The following ERBB4 variants were observed in gnomAD, a reference collection of about 807,000 sequenced individuals.
ERBB4 encodes erb-b2 receptor tyrosine kinase 4.
ERBB4 carries 42 observed loss-of-function variants against 158.0 expected under a neutral mutation model. That is an observed-to-expected ratio of 0.27 (90% CI 0.21 to 0.34). The LOEUF is 0.34. ERBB4 is among the 10% of genes least tolerant of loss of function. The pLI, the probability that ERBB4 is intolerant of heterozygous loss-of-function variation, is 1.00. For missense variants in ERBB4, 1,333 were observed against 1,624.1 expected, an observed-to-expected ratio of 0.82 and a Z score of 3.08; for synonymous variants, 583 against 558.7, an observed-to-expected ratio of 1.04 and a Z score of -0.61.
At chr2:211,818,257 A>T (rs116302704) in intron 3 of ERBB4, among the ~76,000 whole-genome samples, 2 of 152,146 alleles carry the variant, frequency 1.3e-5, no homozygotes, top group East Asian at 3.9e-4. Context: ...TTTAGGGGAC[A>T]CCATGCTGGA....
chr2:212,373,179 T>C (rs1050485630), intron 1 of ERBB4, among the ~76,000 whole-genome samples: 4 of 152,132 alleles, frequency 2.6e-5, no homozygotes, highest in South Asian at 2.1e-4. Flanking sequence ...AAAATAAAAT[T>C]AAAATAAGCC....
intron 16 of ERBB4, among the ~76,000 whole-genome samples, chr2:211,640,592 C>T (rs1427935254): frequency 6.6e-6 from 1 of 152,138 alleles, no homozygotes; most frequent in Non-Finnish European, 1.5e-5. Flanking sequence ...ACTGGATAGT[C>T]AAGCCTAGAC....
chr2:211,605,183 C>A (rs1459631127), intron 19 of ERBB4, among the ~76,000 whole-genome samples: 1 of 152,074 alleles, frequency 6.6e-6, no homozygotes, highest in African/African-American at 2.4e-5. Flanking sequence ...TCAAGCTAAT[C>A]AAAATCTAAA....
chr2:212,356,451 G>A (rs554515222), intron 1 of ERBB4, among the ~76,000 whole-genome samples: 1 of 151,876 alleles, frequency 6.6e-6, no homozygotes, highest in Admixed American at 6.6e-5. Context: ...TCTACTAATG[G>A]CATAATTTGT....
In ERBB4 at chr2:211,379,932, C is replaced by T. The variant is rs12467225; in HGVS notation, c.*3683G>A. ...TTCCAACTTCATCTAGTAGCAGAGC[C>T]TCACACAGTCCTTTTCTTGATTTTT... is the stretch of plus-strand genomic sequence containing the variant. On this transcript the variant is annotated 3_prime_UTR_variant, in exon 28 of 28. Coordinates refer to ENST00000342788, the MANE Select transcript of ERBB4 (RefSeq NM_005235.3). 61,751 of 231,584 alleles carry T rather than the reference C, an allele frequency of 0.27. 8,886 individuals carry two copies. The highest frequency in any genetic ancestry group is 0.49 in the South Asian group (2,689 of 5,500). 14.3% of individuals were successfully genotyped at this position (231,584 alleles called of 1,614,324 possible).
chr2:212,464,892 TCACACACACACA>T (rs148243973), intron 1 of ERBB4, among the ~76,000 whole-genome samples: 6 of 146,044 alleles, frequency 4.1e-5, no homozygotes, highest in Non-Finnish European at 6.1e-5. Context: ...AAGGGAAACA[TCACACACACACA>T]CACACACACA....
chr2:212,378,576 C>T (rs1190327104), intron 1 of ERBB4, among the ~76,000 whole-genome samples: 1 of 151,782 alleles, frequency 6.6e-6, no homozygotes, highest in Non-Finnish European at 1.5e-5. Context: ...ATTTGAAGGC[C>T]ATCATTCAAA....
At chr2:211,662,727 G>A (rs1226377165) in intron 15 of ERBB4, among the ~76,000 whole-genome samples, 1 of 152,160 alleles carries the variant, frequency 6.6e-6, no homozygotes, top group Non-Finnish European at 1.5e-5. Flanking sequence ...GCTTGTTAGA[G>A]CCATTATATT....
intron 1 of ERBB4, among the ~76,000 whole-genome samples, chr2:212,149,733 TTC>T (rs1274113511): frequency 3.9e-5 from 6 of 152,238 alleles, no homozygotes; most frequent in Non-Finnish European, 8.8e-5. Flanking sequence ...CATTCATTCT[TTC>T]TTTTTCATTC....
chr2:212,337,774 C>A (rs945228145), intron 1 of ERBB4, among the ~76,000 whole-genome samples: 2 of 152,052 alleles, frequency 1.3e-5, no homozygotes, highest in African/African-American at 2.4e-5. Context: ...GATATTATTC[C>A]ATCTTTGTAA....
At chr2:212,534,838 C>T (rs1041613786) in intron 1 of ERBB4, among the ~76,000 whole-genome samples, 2 of 152,040 alleles carry the variant, frequency 1.3e-5, no homozygotes, top group African/African-American at 4.8e-5. Flanking sequence ...TACGATTTTC[C>T]ATCAAATAAA....
chr2:211,633,301 C>G (rs555784337), intron 16 of ERBB4, among the ~76,000 whole-genome samples: 46 of 151,932 alleles, frequency 3.0e-4, no homozygotes, highest in Non-Finnish European at 5.9e-4. Flanking sequence ...GCACCACAAA[C>G]TGAAAAGATT....
At chr2:212,144,450 CT>C (rs2080595994) in intron 1 of ERBB4, among the ~76,000 whole-genome samples, 1 of 152,144 alleles carries the variant, frequency 6.6e-6, no homozygotes, top group Non-Finnish European at 1.5e-5. Flanking sequence ...TTACCCACAA[CT>C]TTTCCTATAT....
intron 2 of ERBB4, among the ~76,000 whole-genome samples, chr2:211,954,305 G>C (rs1039289939): frequency 1.3e-5 from 2 of 151,920 alleles, no homozygotes; most frequent in Admixed American, 1.3e-4. Flanking sequence ...GCAATTACAT[G>C]TTCCTAGCTA....
At chr2:212,528,344 A>C (rs1003940179) in intron 1 of ERBB4, among the ~76,000 whole-genome samples, 7 of 152,142 alleles carry the variant, frequency 4.6e-5, no homozygotes, top group Non-Finnish European at 8.8e-5. Flanking sequence ...GCTGGCTCTC[A>C]GGACAGGGCA....
chr2:211,794,097 C>T (rs2076331871), intron 3 of ERBB4, among the ~76,000 whole-genome samples: 1 of 151,950 alleles, frequency 6.6e-6, no homozygotes, highest in Non-Finnish European at 1.5e-5. Context: ...ATTAGATCCA[C>T]TGGCTGAAAA....
chr2:211,704,767 C>T (rs2073373956), intron 10 of ERBB4, among the ~76,000 whole-genome samples: 1 of 152,134 alleles, frequency 6.6e-6, no homozygotes, highest in African/African-American at 2.4e-5. Flanking sequence ...GATCAGTTGA[C>T]ACTTGCAAGA....
chr2:212,286,599 T>TTTTTTTTCGTTTTG (rs1559928488), intron 1 of ERBB4, among the ~76,000 whole-genome samples: 1 of 83,832 alleles, frequency 1.2e-5, no homozygotes, highest in East Asian at 2.8e-4. Flanking sequence ...GCTGACTTTT[T>TTTTTTTTCGTTTTG]TTTTTTTTTT....
chr2:212,387,343 G>A (rs78399193), intron 1 of ERBB4, among the ~76,000 whole-genome samples: 2,391 of 152,224 alleles, frequency 0.016, 59 homozygotes, highest in African/African-American at 0.055. Context: ...ATACAGCAGC[G>A]TTGAAGAATT....
Sources: allele counts gnomAD v4.1 joint callset (sites outside exome capture counted in the v4.1 genomes callset), GRCh38; gene constraint gnomAD v4.1.1; transcripts MANE v1.5; gene names NCBI Gene and HGNC (gene_info 2026-07-23, HGNC 2026-07-21).